The following OXCT1 variants were observed in gnomAD, a reference collection of about 807,000 sequenced individuals.
OXCT1 encodes 3-oxoacid CoA-transferase 1, also known as succinyl-CoA:3-ketoacid coenzyme A transferase 1, mitochondrial.
OXCT1 carries 27 observed loss-of-function variants against 69.6 expected under a neutral mutation model. The ratio of observed to expected loss-of-function variants is 0.39; its 90% CI spans 0.29 to 0.54. OXCT1 has a LOEUF of 0.54. Ranked by LOEUF, OXCT1 falls within the 20% of genes least tolerant of loss-of-function variation. The pLI, the probability that OXCT1 is intolerant of heterozygous loss-of-function variation, is 0.72. For synonymous variants in OXCT1, 202 were observed against 217.8 expected (o/e 0.93, Z 0.64); for missense variants, 437 against 650.2 (o/e 0.67, Z 3.57).
intron 10 of OXCT1, 77 bp downstream of exon 10, chr5:41,802,992 T>C (rs1746493795): frequency 9.3e-7 from 1 of 1,073,594 alleles, no homozygotes; most frequent in South Asian, 1.3e-5. Flanking sequence ...ATAAAAAAAT[T>C]TAATAAAAAA....
At position 41,761,855 on chromosome 5, in the gene OXCT1, A is replaced by T. The variant is rs139501824; in HGVS notation, c.1338+256T>A. 8.0e-4 allele frequency among the ~76,000 whole-genome samples: 122 copies of T among 152,308 alleles called. 1 individual carries two copies. The highest frequency in any genetic ancestry group is 2.9e-3 in the African/African-American group (121 of 41,582). ...TTTTACTTTTAATATGTATGCATAA[A>T]GCTTTTACTTTTAATAGGTATGCAG... On this transcript the variant is annotated intron_variant, in intron 14 of 16. Transcript: ENST00000196371.
intron 7 of OXCT1, among the ~76,000 whole-genome samples, chr5:41,831,764 C>T (rs969896001): frequency 2.0e-5 from 3 of 152,114 alleles, no homozygotes; most frequent in Admixed American, 1.3e-4. Context: ...AGGTGTTGGG[C>T]TCAGGAAGGT....
At chr5:41,768,794 C>T (rs751571569) in intron 13 of OXCT1, among the ~76,000 whole-genome samples, 8 of 152,172 alleles carry the variant, frequency 5.3e-5, no homozygotes, top group Non-Finnish European at 1.0e-4. Flanking sequence ...AAAACCGCCT[C>T]TCTAAAATGC....
At chr5:41,829,059 A>G (rs1747961480) in intron 7 of OXCT1, among the ~76,000 whole-genome samples, 1 of 152,206 alleles carries the variant, frequency 6.6e-6, no homozygotes, top group Admixed American at 6.5e-5. Context: ...CCTCTCTTTA[A>G]TACAAGCCAC....
At chr5:41,808,684 G>A (rs913120957) in intron 7 of OXCT1, among the ~76,000 whole-genome samples, 3 of 152,064 alleles carry the variant, frequency 2.0e-5, no homozygotes, top group Non-Finnish European at 2.9e-5. Flanking sequence ...AGGGAAAGTG[G>A]GGCCGAAGAC....
intron 16 of OXCT1, among the ~76,000 whole-genome samples, chr5:41,735,908 C>T (rs1742862949): frequency 6.6e-6 from 1 of 152,210 alleles, no homozygotes; most frequent in African/African-American, 2.4e-5. Context: ...TGGATGGAAG[C>T]TCAGCAATGA....
rs763579417 is a variant in OXCT1 at position 41,805,656 on chromosome 5, T to A, written c.866A>T (p.Asp289Val). 1 of 1,611,152 alleles carries A rather than the reference T, an allele frequency of 6.2e-7. No individual in the cohort carries two copies. The highest frequency in any genetic ancestry group is 8.5e-7 in the Non-Finnish European group (1 of 1,177,710). The change falls in exon 9 of 17, where the codon GAT becomes GTT. Residue 289 changes from aspartate to valine, a missense_variant. Asp to Val is a radical substitution (Grantham distance 152). Coordinates refer to ENST00000196371, the MANE Select transcript of OXCT1 (RefSeq NM_000436.4). The part of the protein sequence containing the change: ...IERLSIRKEG[D>V]GEAKSAKPGD... ...AGGTTTAGCAGATTTGGCTTCCCCA[T>A]CTCCCTCTTTCCGGATTGATAAACG... is the stretch of plus-strand genomic sequence containing the variant.
intron 15 of OXCT1, among the ~76,000 whole-genome samples, chr5:41,744,402 A>G (rs1289539131): frequency 6.6e-6 from 1 of 152,170 alleles, no homozygotes; most frequent in African/African-American, 2.4e-5. Context: ...CAATCATGTC[A>G]TCTGCAAACA....
intron 13 of OXCT1, among the ~76,000 whole-genome samples, chr5:41,773,961 A>G (rs192012187): frequency 6.6e-6 from 1 of 152,320 alleles, no homozygotes; most frequent in Non-Finnish European, 1.5e-5. Flanking sequence ...AAGCTAGTAC[A>G]TTCTCAGATG....
At chr5:41,798,036 A>G (rs148399308) in intron 11 of OXCT1, among the ~76,000 whole-genome samples, 111 of 152,288 alleles carry the variant, frequency 7.3e-4, no homozygotes, top group African/African-American at 2.5e-3. Flanking sequence ...GAGAAGAAAA[A>G]TGGGCTGGAA....
chr5:41,834,913 A>G (rs1198906174), intron 7 of OXCT1, among the ~76,000 whole-genome samples: 1 of 152,186 alleles, frequency 6.6e-6, no homozygotes, highest in African/African-American at 2.4e-5. Flanking sequence ...GAAATAACCT[A>G]ATGATGTAAC....
rs142437525 is a variant in OXCT1, at chr5:41,843,716, AGACT to A, written c.565-939_565-936del. Reference sequence around the variant, plus strand: ...CTACCGCACCCCCTAGTGGAAAAACAGACTAAGTGCGTTTTACAAAAAGCTGCTA... The same window carrying A: ...CTACCGCACCCCCTAGTGGAAAAACAAAGTGCGTTTTACAAAAAGCTGCTA... On this transcript the variant is annotated intron_variant, in intron 5 of 16. Coordinates refer to ENST00000196371, the MANE Select transcript of OXCT1 (RefSeq NM_000436.4). 3.1e-3 allele frequency: 975 copies of A among 314,798 alleles called. 10 individuals carry two copies. Among genetic ancestry groups the A allele is most frequent in the African/African-American group, 0.02 (920 of 45,656 alleles). 19.5% of individuals were successfully genotyped at this position (314,798 alleles called of 1,614,324 possible).
intron 13 of OXCT1, among the ~76,000 whole-genome samples, chr5:41,778,655 C>T (rs1015111938): frequency 6.6e-6 from 1 of 152,180 alleles, no homozygotes; most frequent in African/African-American, 2.4e-5. Flanking sequence ...CTAGTATGAT[C>T]GAGTGCTGCA....
intron 11 of OXCT1, among the ~76,000 whole-genome samples, chr5:41,799,947 T>A (rs755738604): frequency 4.6e-5 from 7 of 152,158 alleles, no homozygotes; most frequent in Non-Finnish European, 1.0e-4. Flanking sequence ...AAAGTAAGAA[T>A]AATAAAGAAT....
At chr5:41,798,374 T>C (rs993009337) in intron 11 of OXCT1, among the ~76,000 whole-genome samples, 1 of 152,184 alleles carries the variant, frequency 6.6e-6, no homozygotes, top group Non-Finnish European at 1.5e-5. Flanking sequence ...TTTCTCCTGC[T>C]TAGCACTATT....
At chr5:41,751,178 G>T (rs1743764789) in intron 14 of OXCT1, among the ~76,000 whole-genome samples, 1 of 152,012 alleles carries the variant, frequency 6.6e-6, no homozygotes, top group South Asian at 2.1e-4. Context: ...CAGTTGTCAG[G>T]TCTCCTTACA....
intron 5 of OXCT1, among the ~76,000 whole-genome samples, chr5:41,847,049 A>G (rs1455138008): frequency 6.6e-5 from 10 of 152,102 alleles, no homozygotes; most frequent in Admixed American, 2.6e-4. Flanking sequence ...TAATAAAGAA[A>G]AAAAGAGAGA....
chr5:41,773,081 G>A (rs1033282660), intron 13 of OXCT1, among the ~76,000 whole-genome samples: 1 of 152,162 alleles, frequency 6.6e-6, no homozygotes, highest in African/African-American at 2.4e-5. Flanking sequence ...TTAAAAGAAC[G>A]ACTTTGGGCG....
chr5:41,849,636 T>C (rs1030105784), intron 5 of OXCT1, among the ~76,000 whole-genome samples: 4 of 152,354 alleles, frequency 2.6e-5, no homozygotes, highest in Admixed American at 2.0e-4. Context: ...CCTTGTTTTT[T>C]CTTCCTACAG....
Sources: allele counts gnomAD v4.1 joint callset (sites outside exome capture counted in the v4.1 genomes callset), GRCh38; gene constraint gnomAD v4.1.1; transcripts MANE v1.5; gene names NCBI Gene and HGNC (gene_info 2026-07-23, HGNC 2026-07-21).